ANK2: variants seen among roughly 807,000 people sequenced by gnomAD.
The protein encoded by ANK2 is ankyrin-2.
A neutral mutation model predicts 360.5 loss-of-function variants in ANK2; 83 were observed. The observed-to-expected ratio is 0.23, with a 90% CI of 0.19 to 0.28. The LOEUF is 0.28. Ranked by LOEUF, ANK2 falls within the 10% of genes least tolerant of loss-of-function variation. ANK2 has a pLI of 1.00. For missense variants in ANK2, 4,201 were observed against 4,795.7 expected, an observed-to-expected ratio of 0.88 and a Z score of 3.66; for synonymous variants, 1,740 against 1,759.5, an observed-to-expected ratio of 0.99 and a Z score of 0.28.
the ANK2 span, among the ~76,000 whole-genome samples, chr4:112,806,866 T>A: frequency 6.6e-6 from 1 of 152,118 alleles, no homozygotes; most frequent in African/African-American, 2.4e-5. Context: ...ATACACTGAT[T>A]TCCTTTCTTC....
the ANK2 span, among the ~76,000 whole-genome samples, chr4:112,762,206 A>G: frequency 6.6e-6 from 1 of 152,226 alleles, no homozygotes; most frequent in Non-Finnish European, 1.5e-5. Flanking sequence ...ATTTCAATTG[A>G]TTACTCAAGT....
At chr4:112,981,006 AC>A (rs1405866047) in intron 2 of ANK2, among the ~76,000 whole-genome samples, 1 of 152,212 alleles carries the variant, frequency 6.6e-6, no homozygotes, top group African/African-American at 2.4e-5. Context: ...TGAGTTATAA[AC>A]GAAGATCTGC....
chr4:112,743,112 A>G, the ANK2 span, among the ~76,000 whole-genome samples: 1 of 152,224 alleles, frequency 6.6e-6, no homozygotes, highest in Non-Finnish European at 1.5e-5. Context: ...TGTGTAGTCA[A>G]TGACAGAGTT....
At chr4:112,903,321 T>A (rs2084080489) in intron 1 of ANK2, among the ~76,000 whole-genome samples, 1 of 152,048 alleles carries the variant, frequency 6.6e-6, no homozygotes, top group Non-Finnish European at 1.5e-5. Flanking sequence ...TCTTGGAGAG[T>A]TTGTAGAAAG....
chr4:113,093,902 T>A (rs1218150764), intron 1 of ANK2, among the ~76,000 whole-genome samples: 1 of 152,232 alleles, frequency 6.6e-6, no homozygotes, highest in Non-Finnish European at 1.5e-5. Flanking sequence ...ATCAACTCTA[T>A]GATAACCAAG....
At chr4:113,133,463 C>T (rs17683210) in intron 1 of ANK2, among the ~76,000 whole-genome samples, 16,010 of 152,104 alleles carry the variant, frequency 0.11, 1,064 homozygotes, top group South Asian at 0.15. Flanking sequence ...AGATTTTCCC[C>T]TCAAATTTCA....
chr4:112,722,729 C>G, the ANK2 span, among the ~76,000 whole-genome samples: 1 of 152,198 alleles, frequency 6.6e-6, no homozygotes, highest in African/African-American at 2.4e-5. Flanking sequence ...TCTTAGTAGC[C>G]ATCTTGCAGA....
chr4:112,809,439 T>A, the ANK2 span, among the ~76,000 whole-genome samples: 1 of 151,300 alleles, frequency 6.6e-6, no homozygotes, highest in East Asian at 2.0e-4. Flanking sequence ...CAGGTGCCTG[T>A]AGTCCCAGCT....
At chr4:113,215,775 TAGTTAAAC>T (rs138435373) in intron 4 of ANK2, among the ~76,000 whole-genome samples, 5,670 of 152,254 alleles carry the variant, frequency 0.037, 128 homozygotes, top group East Asian at 0.067. Context: ...TAACTTTTGG[TAGTTAAAC>T]AGTTAAACTA....
chr4:113,292,242 T>A (rs1474467915), intron 20 of ANK2, among the ~76,000 whole-genome samples, 174 bp from the exon 21 acceptor site: 3 of 152,194 alleles, frequency 2.0e-5, no homozygotes, highest in African/African-American at 7.2e-5. Context: ...TAGCAGACCA[T>A]AAGGTGTGAG....
At chr4:112,983,328 CAT>C (rs1211480908) in intron 2 of ANK2, among the ~76,000 whole-genome samples, 3 of 150,400 alleles carry the variant, frequency 2.0e-5, no homozygotes, top group Admixed American at 6.6e-5. Flanking sequence ...CATTTGGGTT[CAT>C]TAAATCTCTG....
intron 2 of ANK2, among the ~76,000 whole-genome samples, chr4:112,947,899 G>A (rs1202363720): frequency 3.9e-5 from 6 of 152,102 alleles, no homozygotes; most frequent in East Asian, 3.8e-4. Flanking sequence ...CATCTTTTCC[G>A]TATTTCTGGA....
intron 2 of ANK2, among the ~76,000 whole-genome samples, chr4:113,016,647 C>T (rs1020984510): frequency 6.6e-6 from 1 of 152,138 alleles, no homozygotes; most frequent in Admixed American, 6.5e-5. Context: ...TCTCCCCCAA[C>T]ATAAGTTTTG....
chr4:113,204,387 T>C (rs1316483415), intron 4 of ANK2, among the ~76,000 whole-genome samples: 5 of 152,154 alleles, frequency 3.3e-5, no homozygotes, highest in Non-Finnish European at 7.3e-5. Flanking sequence ...GACTTTTTTA[T>C]AGAAGAAGGG....
At chr4:112,839,387 G>T (rs938504212) in intron 1 of ANK2, among the ~76,000 whole-genome samples, 4 of 151,990 alleles carry the variant, frequency 2.6e-5, no homozygotes, top group African/African-American at 9.7e-5. Flanking sequence ...TGCTGATGGA[G>T]CATACACATA....
At chr4:113,253,153 G>A (rs1218149258) in intron 10 of ANK2, among the ~76,000 whole-genome samples, 1 of 152,184 alleles carries the variant, frequency 6.6e-6, no homozygotes, top group Non-Finnish European at 1.5e-5. Context: ...ATCATCTGGT[G>A]TGATTGCTTG....
the ANK2 span, among the ~76,000 whole-genome samples, chr4:112,802,842 G>A: frequency 5.4e-4 from 82 of 152,236 alleles, 1 homozygote; most frequent in African/African-American, 1.9e-3. Flanking sequence ...CTCCCGAGGT[G>A]ATATGTTAGG....
chr4:113,292,463 C>A lies in ANK2; in HGVS notation c.2325C>A (p.His775Gln). The A allele has an allele frequency of 1.2e-6, 2 of 1,611,988 alleles. No individual in the cohort carries two copies. Among genetic ancestry groups the A allele is most frequent in the Non-Finnish European group, 1.7e-6 (2 of 1,178,996 alleles). Residue 775 changes from histidine (H) to glutamine (Q), a missense_variant, in exon 21 of 46, where the codon CAC becomes CAA. By Grantham distance (24) the His-to-Gln change is conservative. Around this residue, in one of 4 missense-constraint regions of ANK2, gnomAD observed 1,268 missense variants for 1,650.8 expected, o/e 0.77. Transcript: ENST00000357077. ...LHQAAQQGHT[H>Q]IINVLLQHGA... ...AGGCCGCTCAGCAGGGTCACACGCA[C>A]ATCATCAACGTCCTGCTCCAGCATG...
chr4:113,001,546 C>T (rs925745385), intron 2 of ANK2, among the ~76,000 whole-genome samples: 9 of 53,358 alleles, frequency 1.7e-4, no homozygotes, highest in African/African-American at 5.9e-4. Context: ...ATTTCAGTGT[C>T]TCCATATTTT....
Sources: allele counts gnomAD v4.1 joint callset (sites outside exome capture counted in the v4.1 genomes callset), GRCh38; gene constraint gnomAD v4.1.1; regional missense constraint gnomAD v4.1.1; transcripts MANE v1.5; gene names NCBI Gene and HGNC (gene_info 2026-07-23, HGNC 2026-07-21).